Variants in CKAP5 observed in about 807,000 individuals in gnomAD.
CKAP5 encodes cytoskeleton-associated protein 5.
CKAP5 carries 27 observed loss-of-function variants against 232.8 expected under a neutral mutation model. That is an observed-to-expected ratio of 0.12 (90% confidence interval 0.09 to 0.16). CKAP5 has a LOEUF of 0.16. Among genes scored for constraint, CKAP5 ranks in the 10% least tolerant of loss-of-function variants. CKAP5 has a pLI of 1.00. For synonymous variants in CKAP5, 785 were observed against 841.1 expected (o/e 0.93, Z 1.16); for missense variants, 1,838 against 2,424.7 (o/e 0.76, Z 5.08).
chr11:46,802,549 G>C (rs1337098857), intron 8 of CKAP5, among the ~76,000 whole-genome samples: 35 of 122,410 alleles, frequency 2.9e-4, no homozygotes, highest in African/African-American at 7.9e-4. Flanking sequence ...CAGACAGACA[G>C]ACAGACAGAC....
At chr11:46,751,574 A>C (rs2065064874) in intron 38 of CKAP5, 40 bp from the exon 39 acceptor site, 1 of 1,504,850 alleles carries the variant, frequency 6.6e-7, no homozygotes. Flanking sequence ...GTGACTGAAG[A>C]ATGAGGATAA....
intron 26 of CKAP5, among the ~76,000 whole-genome samples, chr11:46,769,652 C>T (rs551057413): frequency 2.6e-5 from 4 of 151,842 alleles, no homozygotes; most frequent in Middle Eastern, 3.4e-3. Context: ...GCTATGATCA[C>T]GCCACTACAC....
chr11:46,744,289 G>A (rs1361712355), intron 43 of CKAP5, 24 bp from the exon 44 acceptor site: 1 of 1,613,768 alleles, frequency 6.2e-7, no homozygotes, highest in Admixed American at 1.7e-5. Flanking sequence ...GAGAGAGATT[G>A]TCTAAGGTCA....
intron 1 of CKAP5, among the ~76,000 whole-genome samples, chr11:46,840,311 T>TTTTGG (rs1940022187): frequency 6.6e-6 from 1 of 152,174 alleles, no homozygotes; most frequent in Non-Finnish European, 1.5e-5. Context: ...ACTGTCAAAC[T>TTTTGG]CCCTTAGGTC....
intron 24 of CKAP5, among the ~76,000 whole-genome samples, 196 bp downstream of exon 24, chr11:46,776,059 G>A (rs1008518319): frequency 2.0e-5 from 3 of 152,088 alleles, no homozygotes; most frequent in South Asian, 2.1e-4. Context: ...TCTAAAAAGC[G>A]TTATTGATAA....
chr11:46,771,759 T>A (rs2065249341), intron 24 of CKAP5, among the ~76,000 whole-genome samples: 1 of 152,228 alleles, frequency 6.6e-6, no homozygotes, highest in Non-Finnish European at 1.5e-5. Context: ...GATTTTTGTA[T>A]GGATATAAAT....
chr11:46,833,114 A>T (rs1201010430), intron 1 of CKAP5, among the ~76,000 whole-genome samples: 1 of 152,166 alleles, frequency 6.6e-6, no homozygotes, highest in Non-Finnish European at 1.5e-5. Flanking sequence ...AAGTACAATA[A>T]GAGAGTATGA....
At chr11:46,808,009 T>TA in intron 8 of CKAP5, 22 bp downstream of exon 8, 8 of 1,533,628 alleles carry the variant, frequency 5.2e-6, no homozygotes, top group Non-Finnish European at 7.2e-6. Context: ...ACAATACCAG[T>TA]ACTGCAAGTC....
chr11:46,745,792 A>C (rs952458989), intron 42 of CKAP5, among the ~76,000 whole-genome samples: 9 of 152,026 alleles, frequency 5.9e-5, no homozygotes, highest in Admixed American at 5.9e-4. Context: ...CTCTTAAAAA[A>C]AATTCAAAAA....
chr11:46,759,316 C>G lies in CKAP5; in HGVS notation c.4521G>C (p.Gln1507His), dbSNP rs756482408. ...TVRCEMPELV[Q>H]HKLDDIFEPV... ...GCTCAAAAATGTCATCCAGTTTGTG[C>G]TGAACAAGTTCTGGCATTTCACATC... Residue 1507 changes from glutamine to histidine, a missense_variant, in exon 34 of 44, where the codon CAG (glutamine) becomes CAC (histidine). Gln to His is a conservative substitution (Grantham distance 24). Transcript: ENST00000529230. The G allele has an allele frequency of 6.2e-7, 1 of 1,614,048 alleles. No homozygotes were observed. Among genetic ancestry groups the G allele is most frequent in the South Asian group, 1.1e-5 (1 of 91,052 alleles).
At position 46,776,331 on chromosome 11, in the gene CKAP5, G is replaced by A. The variant is rs1476668882; in HGVS notation, c.2915C>T (p.Thr972Ile). Residue 972 changes from threonine to isoleucine, a missense_variant, in exon 24 of 44, where the codon ACT becomes ATT. Thr to Ile is a moderately conservative substitution (Grantham distance 89, BLOSUM62 -1). This residue lies in a region of CKAP5 where 767 missense variants were observed against 954.6 expected (regional missense o/e 0.80). Coordinates refer to ENST00000529230, the MANE Select transcript of CKAP5 (RefSeq NM_001008938.4). ...TCCTTCCAGCCATTCCTTCATGCCA[G>A]TCTGTTCTGCCCAAGCATTCACAGT... ...LATVNAWAEQ[T>I]GMKEWLEGED... 6.2e-7 allele frequency: 1 copy of A among 1,613,816 alleles called. No individual in the cohort carries two copies. The highest frequency in any genetic ancestry group is 8.5e-7 in the Non-Finnish European group (1 of 1,179,866).
In CKAP5 at chr11:46,811,076, A is replaced by C. The variant is rs2134673696; in HGVS notation, c.561T>G (p.Ile187Met). The C allele has an allele frequency of 6.2e-7, 1 of 1,614,124 alleles. No homozygotes were observed. The highest frequency in any genetic ancestry group is 8.5e-7 in the Non-Finnish European group (1 of 1,180,008). Residue 187 changes from isoleucine (I) to methionine (M), a missense_variant, in exon 5 of 44, where the codon ATT (isoleucine) becomes ATG (methionine). By Grantham distance (10) the Ile-to-Met change is conservative. Coordinates refer to ENST00000529230, the MANE Select transcript of CKAP5 (RefSeq NM_001008938.4). ...GAATCCATCTGTAAATCTCCACAGC[A>C]ATTAGTTTGGCTTCATCTCGAACAG... Reference protein sequence around the residue: ...EKAVRDEAKLIAVEIYRWIRD... With the variant: ...EKAVRDEAKLMAVEIYRWIRD...
intron 1 of CKAP5, among the ~76,000 whole-genome samples, chr11:46,830,847 G>A (rs1322501267): frequency 4.6e-5 from 7 of 152,078 alleles, no homozygotes; most frequent in Admixed American, 3.3e-4. Context: ...GGCGGATCAC[G>A]AGGTCAGGAG....
At chr11:46,786,139 CA>C (rs983786166) in intron 16 of CKAP5, among the ~76,000 whole-genome samples, 6 of 152,070 alleles carry the variant, frequency 3.9e-5, no homozygotes, top group African/African-American at 1.4e-4. Flanking sequence ...AAAAACTATC[CA>C]AATCAACTTA....
At chr11:46,795,803 C>T (rs1938858489) in intron 12 of CKAP5, 27 bp from the exon 13 acceptor site, 1 of 1,581,736 alleles carries the variant, frequency 6.3e-7, no homozygotes, top group Non-Finnish European at 8.7e-7. Context: ...AGATGAACAT[C>T]ATTAAGCCCA....
intron 1 of CKAP5, among the ~76,000 whole-genome samples, chr11:46,824,175 C>T (rs189211387): frequency 1.3e-5 from 2 of 152,208 alleles, no homozygotes; most frequent in East Asian, 3.9e-4. Flanking sequence ...CCTCCCATGG[C>T]AAAGAAGAAA....
Position 46,743,753 on chromosome 11 carries a change from C to A in CKAP5, c.*270G>T. On this transcript the variant is annotated 3_prime_UTR_variant, in exon 44 of 44. Coordinates refer to ENST00000529230, the MANE Select transcript of CKAP5 (RefSeq NM_001008938.4). Reference sequence around the variant, plus strand: ...GCAATTAAAAAGAAAAGAAAAGGATCTGGGAACTAGACTGAGCAGAGAGGG... The same window carrying A: ...GCAATTAAAAAGAAAAGAAAAGGATATGGGAACTAGACTGAGCAGAGAGGG... 2.5e-6 allele frequency: 1 copy of A among 398,528 alleles called. No individual in the cohort carries two copies. The highest frequency in any genetic ancestry group is 4.6e-6 in the Non-Finnish European group (1 of 219,424). The allele number at this position is 398,528 out of a possible 1,614,324, so 24.7% of individuals were successfully genotyped here.
intron 8 of CKAP5, among the ~76,000 whole-genome samples, chr11:46,805,091 C>G (rs1314330195): frequency 1.3e-5 from 2 of 151,414 alleles, no homozygotes; most frequent in African/African-American, 4.8e-5. Flanking sequence ...AAAAATTAGC[C>G]GGGCATGGTG....
chr11:46,808,143 T>G lies in CKAP5; in HGVS notation c.866A>C (p.Glu289Ala). Residue 289 changes from glutamate (E) to alanine (A), a missense_variant and splice_region_variant, in exon 8 of 44, where the codon GAG (glutamate) becomes GCG (alanine). Around this residue, in one of 6 missense-constraint regions of CKAP5, gnomAD observed 97 missense variants for 167.7 expected, o/e 0.58. Transcript: ENST00000529230. ...KLPKDFYDKIEAKKWQERKEA... is the reference protein window; with the variant it reads ...KLPKDFYDKIAAKKWQERKEA... ...TTTTCTCTCTTGCCATTTTTTTGCCTCCTGCAAGATACAATATGAGTCATT... is the reference window on the plus strand; with the variant it reads ...TTTTCTCTCTTGCCATTTTTTTGCCGCCTGCAAGATACAATATGAGTCATT... 6.3e-7 allele frequency: 1 copy of G among 1,598,170 alleles called. No homozygotes were observed. The highest frequency in any genetic ancestry group is 8.6e-7 in the Non-Finnish European group (1 of 1,166,578).
Sources: allele counts gnomAD v4.1 joint callset (sites outside exome capture counted in the v4.1 genomes callset), GRCh38; gene constraint gnomAD v4.1.1; regional missense constraint gnomAD v4.1.1; transcripts MANE v1.5; gene names NCBI Gene and HGNC (gene_info 2026-07-23, HGNC 2026-07-21).